PRDM5: variants seen among roughly 807,000 people sequenced by gnomAD.
The protein encoded by PRDM5 is PR domain zinc finger protein 5.
A neutral mutation model predicts 81.2 loss-of-function variants in PRDM5; 56 were observed. The ratio of observed to expected loss-of-function variants is 0.69; its 90% CI spans 0.56 to 0.86. The LOEUF is 0.86. PRDM5 is among the 40% of genes least tolerant of loss of function. The pLI, the probability that PRDM5 is intolerant of heterozygous loss-of-function variation, is 0.00. For missense variants in PRDM5, 697 were observed against 770.1 expected (o/e 0.91, Z 1.12); for synonymous variants, 267 against 256.4 (o/e 1.04, Z -0.39).
intron 3 of PRDM5, among the ~76,000 whole-genome samples, chr4:120,832,010 T>A (rs1431561966): frequency 6.6e-6 from 1 of 152,104 alleles, no homozygotes; most frequent in Non-Finnish European, 1.5e-5. Context: ...GCTGGTCCTA[T>A]CAGAGTCTTT....
chr4:120,905,576 C>T (rs1765705229), intron 2 of PRDM5, among the ~76,000 whole-genome samples: 1 of 152,130 alleles, frequency 6.6e-6, no homozygotes, highest in Non-Finnish European at 1.5e-5. Context: ...CCTGGAGAAG[C>T]TATTCTGCCT....
At position 120,694,950 on chromosome 4, in the gene PRDM5, T is replaced by C; in HGVS notation, c.*161A>G. On this transcript the variant is annotated 3_prime_UTR_variant, in exon 16 of 16. Transcript: ENST00000264808. ...ATTTCTTGTTAAAAGTAAGACTTTT[T>C]TTTGGTTGCATATGCATCTACAGAC... 1.3e-6 allele frequency: 1 copy of C among 768,142 alleles called. No individual in the cohort carries two copies. The highest frequency in any genetic ancestry group is 2.7e-5 in the East Asian group (1 of 37,692). 47.6% of individuals were successfully genotyped at this position (768,142 alleles called of 1,614,324 possible). A position where few individuals can be genotyped will look rare whatever the true frequency, so the allele number is the denominator to read the frequency against.
chr4:120,758,641 G>A (rs1221160352), intron 13 of PRDM5, among the ~76,000 whole-genome samples: 2 of 152,104 alleles, frequency 1.3e-5, no homozygotes, highest in Non-Finnish European at 1.5e-5. Flanking sequence ...CCATGCAAGT[G>A]CCTTGATCTC....
chr4:120,850,585 AG>A (rs1414750915), intron 3 of PRDM5, among the ~76,000 whole-genome samples: 1 of 152,160 alleles, frequency 6.6e-6, no homozygotes, highest in African/African-American at 2.4e-5. Context: ...AGTGCAAAAC[AG>A]TGTTAAAAGA....
intron 13 of PRDM5, among the ~76,000 whole-genome samples, chr4:120,768,039 T>C (rs1746643400): frequency 1.3e-5 from 2 of 152,170 alleles, no homozygotes; most frequent in Admixed American, 6.5e-5. Context: ...TACCCAGTCT[T>C]GGGTATATCT....
At chr4:120,806,527 G>C (rs983681727) in intron 8 of PRDM5, among the ~76,000 whole-genome samples, 5 of 152,070 alleles carry the variant, frequency 3.3e-5, no homozygotes, top group African/African-American at 7.2e-5. Context: ...CAGAACAGAG[G>C]CCTCAGAAAT....
intron 3 of PRDM5, chr4:120,837,658 G>GA (rs1315612182): frequency 6.6e-6 from 1 of 152,126 alleles, no homozygotes; most frequent in Non-Finnish European, 1.5e-5. Context: ...AAGCTACATA[G>GA]ATGCATGCTA....
chr4:120,754,789 C>A (rs777934576), intron 13 of PRDM5, 151 bp from the exon 14 acceptor site: 21 of 689,552 alleles, frequency 3.0e-5, no homozygotes, highest in Non-Finnish European at 5.0e-5. Flanking sequence ...CAGATCCAAG[C>A]ATGGGTCGTG....
At chr4:120,710,138 T>C (rs950141749) in intron 15 of PRDM5, among the ~76,000 whole-genome samples, 171 bp downstream of exon 15, 1 of 152,112 alleles carries the variant, frequency 6.6e-6, no homozygotes, top group Non-Finnish European at 1.5e-5. Context: ...TGCAGTTACA[T>C]GTATTATGCA....
intron 1 of PRDM5, among the ~76,000 whole-genome samples, chr4:120,921,662 G>C (rs1724935933): frequency 6.6e-6 from 1 of 152,122 alleles, no homozygotes. Flanking sequence ...GGGCGAGGAC[G>C]GCTAGGACGA....
At chr4:120,883,879 G>A (rs1484272727) in intron 2 of PRDM5, among the ~76,000 whole-genome samples, 6 of 152,054 alleles carry the variant, frequency 3.9e-5, no homozygotes, top group Non-Finnish European at 7.4e-5. Context: ...AAGGGTACAG[G>A]GCTTCTTTTT....
intron 13 of PRDM5, among the ~76,000 whole-genome samples, chr4:120,755,635 G>C (rs1744624158): frequency 6.6e-6 from 1 of 151,982 alleles, no homozygotes; most frequent in Non-Finnish European, 1.5e-5. Flanking sequence ...CTCTCTCATG[G>C]GGTCAACAAT....
intron 13 of PRDM5, among the ~76,000 whole-genome samples, chr4:120,770,071 C>T (rs1288027383): frequency 6.6e-6 from 1 of 152,038 alleles, no homozygotes; most frequent in Non-Finnish European, 1.5e-5. Context: ...CTCGTTCTGT[C>T]GCCCAGGTTG....
At chr4:120,764,201 C>A (rs947103022) in intron 13 of PRDM5, among the ~76,000 whole-genome samples, 1 of 151,974 alleles carries the variant, frequency 6.6e-6, no homozygotes, top group African/African-American at 2.4e-5. Context: ...TAGGCCATAT[C>A]CATTTTTGAG....
chr4:120,838,040 A>G (rs1757565750), intron 3 of PRDM5: 1 of 152,244 alleles, frequency 6.6e-6, no homozygotes, highest in Non-Finnish European at 1.5e-5. Context: ...ATAATAAGAC[A>G]GTATGTATAG....
intron 2 of PRDM5, among the ~76,000 whole-genome samples, chr4:120,887,296 A>C (rs2148609776): frequency 6.6e-6 from 1 of 152,092 alleles, no homozygotes; most frequent in Admixed American, 6.5e-5. Context: ...AGTGTTAGTT[A>C]CCTTCAACAC....
At chr4:120,717,940 A>T (rs1287923755) in intron 14 of PRDM5, among the ~76,000 whole-genome samples, 1 of 152,174 alleles carries the variant, frequency 6.6e-6, no homozygotes, top group Non-Finnish European at 1.5e-5. Context: ...CTCTTTCATG[A>T]CCGTGATAGC....
At chr4:120,910,938 T>G (rs1265227461) in intron 1 of PRDM5, among the ~76,000 whole-genome samples, 1 of 152,168 alleles carries the variant, frequency 6.6e-6, no homozygotes, top group Non-Finnish European at 1.5e-5. Flanking sequence ...ATAGGAAAAC[T>G]GTCCGCTCTT....
At chr4:120,758,063 T>G (rs569914504) in intron 13 of PRDM5, among the ~76,000 whole-genome samples, 1 of 152,264 alleles carries the variant, frequency 6.6e-6, no homozygotes, top group African/African-American at 2.4e-5. Flanking sequence ...GCTCTTGGAC[T>G]GACTTACATC....
Sources: allele counts gnomAD v4.1 joint callset (sites outside exome capture counted in the v4.1 genomes callset), GRCh38; gene constraint gnomAD v4.1.1; transcripts MANE v1.5; gene names NCBI Gene and HGNC (gene_info 2026-07-23, HGNC 2026-07-21).